Variants in LPIN2 observed in about 807,000 individuals in gnomAD.
LPIN2 encodes lipin 2.
LPIN2 carries 55 observed loss-of-function variants against 111.4 expected under a neutral mutation model. The observed-to-expected ratio is 0.49, with a 90% CI of 0.40 to 0.62. LPIN2 has a LOEUF of 0.62. Among genes scored for constraint, LPIN2 ranks in the 20% least tolerant of loss-of-function variants. The pLI is 0.00. For synonymous variants in LPIN2, 425 were observed against 414.0 expected, an observed-to-expected ratio of 1.03 and a Z score of -0.32; for missense variants, 992 against 1,112.1, an observed-to-expected ratio of 0.89 and a Z score of 1.54.
chr18:2,999,888 T>A (rs766327638), intron 1 of LPIN2, among the ~76,000 whole-genome samples: 5 of 152,058 alleles, frequency 3.3e-5, no homozygotes, highest in Non-Finnish European at 4.4e-5. Flanking sequence ...AGACCCTGTC[T>A]CTACAAAAAT....
intron 19 of LPIN2, 36 bp downstream of exon 19, chr18:2,920,742 G>A (rs1183861152): frequency 6.6e-7 from 1 of 1,520,378 alleles, no homozygotes; most frequent in South Asian, 1.1e-5. Flanking sequence ...ACCCCTGGCT[G>A]CAGGGCGCCG....
chr18:2,986,236 G>A (rs577018891), intron 1 of LPIN2, among the ~76,000 whole-genome samples: 3 of 152,302 alleles, frequency 2.0e-5, no homozygotes, highest in South Asian at 4.2e-4. Context: ...TCAAACATTT[G>A]TAGTTTAACT....
chr18:3,004,179 C>G (rs558111946), intron 1 of LPIN2, among the ~76,000 whole-genome samples: 13 of 152,302 alleles, frequency 8.5e-5, no homozygotes, highest in Non-Finnish European at 1.9e-4. Context: ...CACAGCAGGA[C>G]ATAGACCCTC....
At position 2,925,313 on chromosome 18, in the gene LPIN2, T is replaced by C. The variant is rs932813179; in HGVS notation, c.1849A>G (p.Ile617Val). 6.2e-6 allele frequency: 10 copies of C among 1,614,038 alleles called. No individual in the cohort carries two copies. The Admixed American group carries it at 1.5e-4, about 24-fold the overall frequency. Reference sequence around the variant, plus strand: ...TCTGTGGGGATGGGGTCCACTGTGATGGATTCTTCGAGCTCCTGTGATCCC... The same window carrying C: ...TCTGTGGGGATGGGGTCCACTGTGACGGATTCTTCGAGCTCCTGTGATCCC... ...DEGSQELEESITVDPIPTEPL... is the reference protein window; with the variant it reads ...DEGSQELEESVTVDPIPTEPL... The change falls in exon 14 of 20, where the codon ATC (isoleucine) becomes GTC (valine). Residue 617 changes from isoleucine (I) to valine (V), a missense_variant. Ile to Val is a conservative substitution (Grantham distance 29). Coordinates refer to ENST00000677752, the MANE Select transcript of LPIN2 (RefSeq NM_001375808.2). The surrounding 1 kb of genome is among the most constrained non-coding windows in gnomAD (Gnocchi z 4.1).
At chr18:2,990,074 G>A (rs972212141) in intron 1 of LPIN2, among the ~76,000 whole-genome samples, 2 of 152,116 alleles carry the variant, frequency 1.3e-5, no homozygotes, top group Non-Finnish European at 2.9e-5. Context: ...ACTGCATGGC[G>A]GAAGGAATAG....
At chr18:3,011,139 C>T (rs530298631) in intron 1 of LPIN2, among the ~76,000 whole-genome samples, 4 of 152,146 alleles carry the variant, frequency 2.6e-5, no homozygotes, top group African/African-American at 9.7e-5. Context: ...AAGTGCAATA[C>T]AGGGCGATGA....
At position 2,954,489 on chromosome 18, in the gene LPIN2, C is replaced by CTCCT. The variant is rs1568565263; in HGVS notation, c.288+14_288+15insAGGA. ...AGCACACTGTGTAAGGAGGGTGTAA[C>CTCCT]CCATGCAAACTTACATATTCTTCTT... On this transcript the variant is annotated intron_variant, in intron 3 of 19. Transcript: ENST00000677752. The CTCCT allele has an allele frequency of 6.3e-7, 1 of 1,584,816 alleles. No individual in the cohort carries two copies. The highest frequency in any genetic ancestry group is 1.7e-5 in the Admixed American group (1 of 59,970).
rs536057312 is a variant in LPIN2 at position 3,006,564 on chromosome 18, G to A, written c.-10+6523C>T. On this transcript the variant is annotated intron_variant, in intron 1 of 19. Transcript: ENST00000677752. ...AAAATTAGCCAAGCATGGGCCGGGC[G>A]CAGCGGCTCAAGCCTGTAATCCCAA... is the stretch of plus-strand genomic sequence containing the variant. 2.6e-4 allele frequency among the ~76,000 whole-genome samples: 40 copies of A among 152,258 alleles called. 1 individual carries two copies. In the South Asian group the frequency reaches 6.6e-3, roughly 25 times the overall value.
chr18:3,007,526 T>C (rs1335262330), intron 1 of LPIN2, among the ~76,000 whole-genome samples: 1 of 152,230 alleles, frequency 6.6e-6, no homozygotes, highest in Non-Finnish European at 1.5e-5. Context: ...AGAAATGTAA[T>C]ATGTGGACAG....
chr18:2,920,064 G>A lies in LPIN2; in HGVS notation c.*229C>T, dbSNP rs2077029343. ...TGCGACCCACAAAGGAGGGATCCCA[G>A]GCCTCCAGCCCCAGGCCCAGTTCCT... is the stretch of plus-strand genomic sequence containing the variant. On this transcript the variant is annotated 3_prime_UTR_variant, in exon 20 of 20. Coordinates refer to ENST00000677752, the MANE Select transcript of LPIN2 (RefSeq NM_001375808.2). The A allele has an allele frequency of 1.7e-6, 1 of 599,064 alleles. No homozygotes were observed. The allele number at this position is 599,064 out of a possible 1,614,324, so 37.1% of individuals were successfully genotyped here.
chr18:2,985,629 T>G (rs1389682453), intron 1 of LPIN2, among the ~76,000 whole-genome samples: 1 of 152,224 alleles, frequency 6.6e-6, no homozygotes, highest in Non-Finnish European at 1.5e-5. Context: ...TTTTGTTTTT[T>G]CTACTACTAA....
At chr18:2,958,141 C>CAA (rs1224779773) in intron 2 of LPIN2, among the ~76,000 whole-genome samples, 269 of 11,926 alleles carry the variant, frequency 0.023, 64 homozygotes, top group East Asian at 0.069. Flanking sequence ...GACTCCATCT[C>CAA]AAAAAAAAAA....
At chr18:2,932,375 G>A (rs979796036) in intron 8 of LPIN2, among the ~76,000 whole-genome samples, 2 of 152,192 alleles carry the variant, frequency 1.3e-5, no homozygotes, top group African/African-American at 2.4e-5. Context: ...TCTTTGAGCA[G>A]TAGGTGGCAG....
intron 1 of LPIN2, among the ~76,000 whole-genome samples, chr18:2,996,467 CTTTTTTTTTTTTTTTTTT>C (rs1179106649): frequency 2.4e-5 from 2 of 84,996 alleles, no homozygotes; most frequent in African/African-American, 9.0e-5. Context: ...AGGAAAATAT[CTTTTTTTTTTTTTTTTTT>C]TTTTTTTTTT....
chr18:2,922,251 AAAC>A, intron 16 of LPIN2, 52 bp from the exon 17 acceptor site: 4 of 1,574,464 alleles, frequency 2.5e-6, no homozygotes, highest in African/African-American at 1.4e-5. Flanking sequence ...AGGGAAAAGA[AAAC>A]AAAAAACAAA....
intron 1 of LPIN2, among the ~76,000 whole-genome samples, chr18:2,964,282 CAAA>C (rs56276815): frequency 1.8e-5 from 1 of 56,866 alleles, no homozygotes; most frequent in African/African-American, 7.4e-5. Flanking sequence ...GACTCCGTCT[CAAA>C]AAAAAAAAAA....
chr18:2,992,872 G>A (rs1249109962), intron 1 of LPIN2, among the ~76,000 whole-genome samples: 2 of 151,216 alleles, frequency 1.3e-5, no homozygotes, highest in Non-Finnish European at 2.9e-5. Context: ...TGTAGTCCCA[G>A]CTACTCGGGA....
At chr18:2,928,999 G>A in intron 10 of LPIN2, 66 bp downstream of exon 10, 3 of 1,042,682 alleles carry the variant, frequency 2.9e-6, no homozygotes, top group East Asian at 2.4e-5. Flanking sequence ...ATAAGTAACA[G>A]TTAAAAATGG....
intron 3 of LPIN2, 49 bp from the exon 4 acceptor site, chr18:2,951,405 G>A (rs1269361715): frequency 1.4e-6 from 2 of 1,433,562 alleles, no homozygotes; most frequent in Non-Finnish European, 9.8e-7. Context: ...ACTCGACAGT[G>A]AATTAAAGCA....
Sources: allele counts gnomAD v4.1 joint callset (sites outside exome capture counted in the v4.1 genomes callset), GRCh38; gene constraint gnomAD v4.1.1; non-coding constraint Gnocchi (gnomAD v3.1); transcripts MANE v1.5; gene names NCBI Gene and HGNC (gene_info 2026-07-23, HGNC 2026-07-21).